The following RAF1 variants were observed in gnomAD, a reference collection of about 807,000 sequenced individuals.
RAF1 encodes RAF proto-oncogene serine/threonine-protein kinase.
RAF1 carries 27 observed loss-of-function variants against 81.1 expected under a neutral mutation model. That is an observed-to-expected ratio of 0.33 (90% CI 0.25 to 0.46). RAF1 has a LOEUF of 0.46. Ranked by LOEUF, RAF1 falls within the 20% of genes least tolerant of loss-of-function variation. The pLI is 1.00. For synonymous variants in RAF1, 298 were observed against 294.0 expected (o/e 1.01, Z -0.14); for missense variants, 598 against 826.0 (o/e 0.72, Z 3.38).
At chr3:12,634,203 A>T (rs1004271741) in intron 1 of RAF1, among the ~76,000 whole-genome samples, 2 of 148,092 alleles carry the variant, frequency 1.4e-5, no homozygotes, top group African/African-American at 5.0e-5. Context: ...GCTGGAGTGC[A>T]GTGGCATGAC....
chr3:12,622,846 C>T (rs2059591630), intron 1 of RAF1, among the ~76,000 whole-genome samples: 1 of 152,110 alleles, frequency 6.6e-6, no homozygotes, highest in Non-Finnish European at 1.5e-5. Flanking sequence ...AATCAAATCT[C>T]CATTTAGTGG....
chr3:12,636,443 TAA>T (rs796569209), intron 1 of RAF1, among the ~76,000 whole-genome samples: 1 of 141,742 alleles, frequency 7.1e-6, no homozygotes, highest in Non-Finnish European at 1.5e-5. Flanking sequence ...TGTATATCTT[TAA>T]AAAAAAAAAA....
chr3:12,632,280 C>T (rs2059886309), intron 1 of RAF1, among the ~76,000 whole-genome samples: 1 of 147,792 alleles, frequency 6.8e-6, no homozygotes, highest in African/African-American at 2.5e-5. Context: ...GCCGAGATTG[C>T]ACCGTTGCAC....
At position 12,663,145 on chromosome 3, in the gene RAF1, A is replaced by C. The variant is rs192026776; in HGVS notation, c.-27+668T>G. Among the ~76,000 whole-genome samples the C allele has an allele frequency of 2.6e-5, 4 of 152,326 alleles. No individual in the cohort carries two copies. The East Asian group carries it at 7.7e-4, about 29-fold the overall frequency. ...CTCTCTTGGGCATCGACTCGCTCGCAGAGCCTCAGCAGCTGCAGAGCTGAA... is the reference window on the plus strand; with the variant it reads ...CTCTCTTGGGCATCGACTCGCTCGCCGAGCCTCAGCAGCTGCAGAGCTGAA... On this transcript the variant is annotated intron_variant, in intron 1 of 17. Coordinates refer to ENST00000442415, the MANE Select transcript of RAF1 (RefSeq NM_001354689.3).
chr3:12,654,853 G>GT (rs1159971740), intron 1 of RAF1, among the ~76,000 whole-genome samples: 2 of 150,712 alleles, frequency 1.3e-5, no homozygotes, highest in African/African-American at 4.9e-5. Flanking sequence ...AAAGGTTCTG[G>GT]TTTGCCCATT....
intron 1 of RAF1, among the ~76,000 whole-genome samples, chr3:12,657,343 A>G (rs2060728087): frequency 6.6e-6 from 1 of 152,236 alleles, no homozygotes; most frequent in Non-Finnish European, 1.5e-5. Flanking sequence ...CCCTCTGTGA[A>G]AGGAAGCTGG....
rs749788856 is a variant in RAF1 at position 12,590,833 on chromosome 3, T to G, written c.1395A>C (p.Leu465=). The G allele has an allele frequency of 1.9e-6, 3 of 1,613,974 alleles. No homozygotes were observed. The South Asian group carries it at 3.3e-5, about 18-fold the overall frequency. The change falls in exon 13 of 18, where the codon CTA becomes CTC. Residue 465 remains leucine, a synonymous_variant. Transcript: ENST00000442415. Reference sequence around the variant, plus strand: ...GAGCCGTCTGCCGGGCAATGTCAATTAGCTGGAACATCTGAAACTTGGTCT... The same window carrying G: ...GAGCCGTCTGCCGGGCAATGTCAATGAGCTGGAACATCTGAAACTTGGTCT...
chr3:12,654,344 A>G (rs1001838796), intron 1 of RAF1, among the ~76,000 whole-genome samples: 1 of 151,990 alleles, frequency 6.6e-6, no homozygotes, highest in Non-Finnish European at 1.5e-5. Context: ...GCTCATGCCT[A>G]TAATCCCAGC....
chr3:12,634,846 A>C (rs1188835121), intron 1 of RAF1, among the ~76,000 whole-genome samples: 1 of 152,174 alleles, frequency 6.6e-6, no homozygotes, highest in Non-Finnish European at 1.5e-5. Flanking sequence ...AGGTCTTCAG[A>C]TACTCCAGGT....
intron 2 of RAF1, among the ~76,000 whole-genome samples, chr3:12,612,831 T>C (rs13095437): frequency 0.12 from 18,637 of 152,180 alleles, 1,374 homozygotes; most frequent in Admixed American, 0.2. Context: ...TATACACATA[T>C]ATGTTCACTA....
chr3:12,604,744 C>G (rs966267036), intron 6 of RAF1, among the ~76,000 whole-genome samples: 1 of 152,152 alleles, frequency 6.6e-6, no homozygotes, highest in African/African-American at 2.4e-5. Flanking sequence ...ATTTTACCCT[C>G]TGTTTGTCCT....
At chr3:12,596,799 CTTCA>C (rs2058700175) in intron 11 of RAF1, among the ~76,000 whole-genome samples, 1 of 152,142 alleles carries the variant, frequency 6.6e-6, no homozygotes, top group African/African-American at 2.4e-5. Flanking sequence ...CATTTTTCTT[CTTCA>C]TTCATAGACC....
chr3:12,585,754 C>T lies in RAF1; in HGVS notation c.1523G>A (p.Gly508Asp), dbSNP rs865862568. The change falls in exon 15 of 18, where the codon GGT becomes GAT. Residue 508 changes from glycine (G) to aspartate (D), a missense_variant. By Grantham distance (94) the Gly-to-Asp change is moderately conservative (BLOSUM62 -1). This residue lies in a region of RAF1 where 85 missense variants were observed against 185.6 expected (regional missense o/e 0.46). Coordinates refer to ENST00000442415, the MANE Select transcript of RAF1 (RefSeq NM_001354689.3). ...CCAGCGTGACTTTACTGTTGCCAAA[C>T]CAAAATCTCCAATTTTCACTGTTAA... 1 of 1,614,120 alleles carries T rather than the reference C, an allele frequency of 6.2e-7. No homozygotes were observed. Among genetic ancestry groups the T allele is most frequent in the Admixed American group, 1.7e-5 (1 of 60,022 alleles).
intron 1 of RAF1, among the ~76,000 whole-genome samples, chr3:12,651,743 C>T (rs1301808022): frequency 4.6e-5 from 7 of 151,492 alleles, no homozygotes; most frequent in African/African-American, 1.7e-4. Flanking sequence ...GGCACGATGG[C>T]TCATGCCTGT....
chr3:12,651,570 G>T (rs909023322), intron 1 of RAF1, among the ~76,000 whole-genome samples: 10 of 151,564 alleles, frequency 6.6e-5, no homozygotes, highest in African/African-American at 1.2e-4. Context: ...GGAGGCGGGG[G>T]TTGCAGTGAG....
At chr3:12,632,493 C>G (rs1386947175) in intron 1 of RAF1, among the ~76,000 whole-genome samples, 1 of 151,992 alleles carries the variant, frequency 6.6e-6, no homozygotes, top group African/African-American at 2.4e-5. Flanking sequence ...AGTGACAAAG[C>G]CTTCTAAAAG....
chr3:12,644,773 T>C (rs2060294234), intron 1 of RAF1, among the ~76,000 whole-genome samples: 1 of 152,154 alleles, frequency 6.6e-6, no homozygotes, highest in Non-Finnish European at 1.5e-5. Flanking sequence ...ACCTCATTTT[T>C]GAGTTTTTCC....
chr3:12,651,050 T>A (rs2125563338), intron 1 of RAF1, among the ~76,000 whole-genome samples: 1 of 152,358 alleles, frequency 6.6e-6, no homozygotes, highest in Non-Finnish European at 1.5e-5. Flanking sequence ...CCTTTCTTAT[T>A]ACATAACTTT....
intron 11 of RAF1, among the ~76,000 whole-genome samples, chr3:12,593,245 A>C (rs1017455902): frequency 6.7e-6 from 1 of 149,942 alleles, no homozygotes; most frequent in Non-Finnish European, 1.5e-5. Flanking sequence ...ATGCCCAACT[A>C]ATTTTTGTAT....
Sources: allele counts gnomAD v4.1 joint callset (sites outside exome capture counted in the v4.1 genomes callset), GRCh38; gene constraint gnomAD v4.1.1; regional missense constraint gnomAD v4.1.1; transcripts MANE v1.5; gene names NCBI Gene and HGNC (gene_info 2026-07-23, HGNC 2026-07-21).